Variants in PLA2G4C observed in about 807,000 individuals in gnomAD.
PLA2G4C encodes the protein cytosolic phospholipase A2 gamma.
In PLA2G4C, 64 loss-of-function variants were observed where a neutral mutation model predicts 73.8. The ratio of observed to expected loss-of-function variants is 0.87; its 90% CI spans 0.71 to 1.07. The LOEUF (loss-of-function observed/expected upper bound fraction) is 1.07. PLA2G4C is among the 50% of genes least tolerant of loss of function. The probability of loss-of-function intolerance (pLI) is 0.00; values close to 1 mark genes in which losing one functional copy is unlikely to be tolerated. For missense variants in PLA2G4C, 622 were observed against 665.4 expected (o/e 0.93, Z 0.72); for synonymous variants, 254 against 252.1 (o/e 1.01, Z -0.07).
chr19:48,086,498 C>T (rs115688868), intron 9 of PLA2G4C, among the ~76,000 whole-genome samples: 4,175 of 152,264 alleles, frequency 0.027, 150 homozygotes, highest in African/African-American at 0.084. Flanking sequence ...ACAAAACTGC[C>T]TGACCCAGCC....
chr19:48,052,911 C>T, intron 16 of PLA2G4C, 86 bp downstream of exon 16: 2 of 1,427,298 alleles, frequency 1.4e-6, no homozygotes, highest in Non-Finnish European at 9.5e-7. Context: ...ACCCATGCAA[C>T]CCTCCTGCCT....
intron 15 of PLA2G4C, among the ~76,000 whole-genome samples, chr19:48,053,364 CTT>C (rs1174332835): frequency 5.0e-5 from 5 of 100,584 alleles, no homozygotes; most frequent in Middle Eastern, 5.9e-3. Context: ...GTCCTTTTTT[CTT>C]TTTTTTTTTT....
Position 48,062,034 on chromosome 19 carries a change from G to T in PLA2G4C, c.1221C>A (p.Ile407=). Residue 407 remains isoleucine (I), a synonymous_variant, in exon 14 of 17, where the codon ATC becomes ATA. Coordinates refer to ENST00000599921, the MANE Select transcript of PLA2G4C (RefSeq NM_003706.3). ...CTCCGGCACTGAAGTCGAAGGAGAG[G>T]ATGAGGTGAACCTCCCGCGTCGGGG... The part of the protein sequence containing the change: ...VLPPTREVHL[I]LSFDFSAGDP... The T allele has an allele frequency of 1.2e-6, 2 of 1,613,982 alleles. No individual in the cohort carries two copies. The highest frequency in any genetic ancestry group is 1.7e-6 in the Non-Finnish European group (2 of 1,179,982).
Position 48,067,674 on chromosome 19 carries a change from C to T in PLA2G4C, c.1102+117G>A, listed in dbSNP as rs115633925. 95 of 748,078 alleles carry T rather than the reference C, an allele frequency of 1.3e-4. No individual in the cohort carries two copies. In the Admixed American group the frequency reaches 1.4e-3, roughly 11 times the overall value. The allele number at this position is 748,078 out of a possible 1,614,324, so 46.3% of individuals were successfully genotyped here. A position where few individuals can be genotyped will look rare whatever the true frequency, so the allele number is the denominator to read the frequency against. ...TCCCTGGGCCCTTTGACACCACCCC[C>T]CTCCAAAGCTCTGGGGAAGGACCAG... On this transcript the variant is annotated intron_variant, in intron 13 of 16. Coordinates refer to ENST00000599921, the MANE Select transcript of PLA2G4C (RefSeq NM_003706.3).
intron 4 of PLA2G4C, among the ~76,000 whole-genome samples, chr19:48,101,799 C>T (rs979118368): frequency 6.6e-6 from 1 of 151,146 alleles, no homozygotes; most frequent in Non-Finnish European, 1.5e-5. Flanking sequence ...CTCAGCCTCC[C>T]AAGTAGCTGG....
intron 16 of PLA2G4C, among the ~76,000 whole-genome samples, chr19:48,052,753 C>T (rs1967773223): frequency 6.6e-6 from 1 of 152,174 alleles, no homozygotes; most frequent in Admixed American, 6.6e-5. Flanking sequence ...TGAAGCCACC[C>T]AGCTAGTGGT....
intron 16 of PLA2G4C, among the ~76,000 whole-genome samples, chr19:48,048,868 C>A (rs147307219): frequency 1.7e-3 from 261 of 152,300 alleles, no homozygotes; most frequent in African/African-American, 6.0e-3. Context: ...AGGTGGGGCC[C>A]AGAGGGAGAT....
At chr19:48,097,544 G>T (rs967037119) in intron 6 of PLA2G4C, among the ~76,000 whole-genome samples, 2 of 151,582 alleles carry the variant, frequency 1.3e-5, no homozygotes, top group Non-Finnish European at 2.9e-5. Flanking sequence ...GAGCCACTGC[G>T]CCCGGCCCCT....
chr19:48,052,674 G>A (rs1291305603), intron 16 of PLA2G4C, among the ~76,000 whole-genome samples: 1 of 152,210 alleles, frequency 6.6e-6, no homozygotes, highest in Non-Finnish European at 1.5e-5. Flanking sequence ...GATCCCAGAA[G>A]GAACCAGCGC....
chr19:48,064,248 G>A (rs1968321098), intron 13 of PLA2G4C, among the ~76,000 whole-genome samples: 1 of 152,090 alleles, frequency 6.6e-6, no homozygotes, highest in South Asian at 2.1e-4. Flanking sequence ...GACCAACATG[G>A]TGAAATCCTG....
At chr19:48,058,254 G>A (rs1042956435) in intron 14 of PLA2G4C, among the ~76,000 whole-genome samples, 8 of 151,662 alleles carry the variant, frequency 5.3e-5, no homozygotes, top group Non-Finnish European at 8.8e-5. Context: ...AGCCGATATC[G>A]TGCCATTGCA....
chr19:48,096,309 G>A (rs1362551590), intron 6 of PLA2G4C, among the ~76,000 whole-genome samples: 3 of 152,156 alleles, frequency 2.0e-5, no homozygotes, highest in South Asian at 2.1e-4. Context: ...ATGGCCGGGC[G>A]TGGTGGCTCA....
At chr19:48,073,290 T>A (rs2029918145) in intron 12 of PLA2G4C, among the ~76,000 whole-genome samples, 1 of 152,102 alleles carries the variant, frequency 6.6e-6, no homozygotes, top group Non-Finnish European at 1.5e-5. Context: ...GCTCAAGTGA[T>A]CTTCCTGCCT....
At chr19:48,083,318 T>G (rs897373578) in intron 10 of PLA2G4C, among the ~76,000 whole-genome samples, 2 of 151,958 alleles carry the variant, frequency 1.3e-5, no homozygotes, top group Non-Finnish European at 2.9e-5. Flanking sequence ...ATTGGGGCTA[T>G]GCACTATTGT....
Position 48,095,569 on chromosome 19 carries a change from A to G in PLA2G4C, c.604T>C (p.Phe202Leu), listed in dbSNP as rs764012236. The change falls in exon 7 of 17, where the codon TTC (phenylalanine) becomes CTC (leucine). Residue 202 changes from phenylalanine (F) to leucine (L), a missense_variant. Phe to Leu is a conservative substitution (Grantham distance 22). Coordinates refer to ENST00000599921, the MANE Select transcript of PLA2G4C (RefSeq NM_003706.3). ...GAAACAAAGGCCCCCAGTGCAGAGA[A>G]GCCAGCGTGGTGAGGGGTGAACTCG... is the stretch of plus-strand genomic sequence containing the variant. ...WFEFTPHHAG[F>L]SALGAFVSIT... The G allele has an allele frequency of 6.2e-7, 1 of 1,614,094 alleles. No individual in the cohort carries two copies. Among genetic ancestry groups the G allele is most frequent in the South Asian group, 1.1e-5 (1 of 91,066 alleles).
intron 11 of PLA2G4C, among the ~76,000 whole-genome samples, chr19:48,076,155 G>A (rs957412329): frequency 1.3e-5 from 2 of 152,198 alleles, no homozygotes; most frequent in Non-Finnish European, 2.9e-5. Context: ...AACAGGGAGG[G>A]AGGCATGAAG....
At chr19:48,083,449 T>TC (rs2030766702) in intron 10 of PLA2G4C, among the ~76,000 whole-genome samples, 1 of 128,706 alleles carries the variant, frequency 7.8e-6, no homozygotes, top group South Asian at 2.2e-4. Context: ...TTTTTCTTTT[T>TC]TCTTTTTTTT....
intron 15 of PLA2G4C, 79 bp downstream of exon 15, chr19:48,054,799 G>A: frequency 7.7e-7 from 1 of 1,303,542 alleles, no homozygotes; most frequent in Non-Finnish European, 1.1e-6. Flanking sequence ...AAATTACCCA[G>A]TCTCAGGTAT....
intron 2 of PLA2G4C, 130 bp from the exon 3 acceptor site, chr19:48,105,574 G>T: frequency 1.5e-6 from 1 of 659,952 alleles, no homozygotes; most frequent in East Asian, 2.6e-5. Flanking sequence ...TTCCTTTTGG[G>T]GTGAGGAAAA....
Sources: gnomAD v4.1 joint callset for allele counts (sites outside exome capture counted in the v4.1 genomes callset) on GRCh38, gnomAD v4.1.1 for gene constraint, MANE v1.5 for transcripts, NCBI Gene and HGNC (gene_info 2026-07-23, HGNC 2026-07-21) for gene names.